The following FAM168A variants were observed in gnomAD, a reference collection of about 807,000 sequenced individuals.
FAM168A encodes the protein protein FAM168A.
FAM168A carries 3 observed loss-of-function variants against 28.5 expected under a neutral mutation model. The ratio of observed to expected loss-of-function variants is 0.11; its 90% CI spans 0.05 to 0.27. FAM168A has a LOEUF of 0.27. Ranked by LOEUF, FAM168A falls within the 10% of genes least tolerant of loss-of-function variation. The pLI, the probability that FAM168A is intolerant of heterozygous loss-of-function variation, is 1.00. For synonymous variants in FAM168A, 122 were observed against 124.2 expected (o/e 0.98, Z 0.12); for missense variants, 222 against 311.5 (o/e 0.71, Z 2.16).
intron 1 of FAM168A, among the ~76,000 whole-genome samples, chr11:73,504,373 A>C (rs987596582): frequency 6.6e-6 from 1 of 152,242 alleles, no homozygotes; most frequent in African/African-American, 2.4e-5. Flanking sequence ...TCAAAAGAAG[A>C]CATTTACGTG....
chr11:73,489,757 C>T (rs1226443273), intron 1 of FAM168A, among the ~76,000 whole-genome samples: 5 of 152,148 alleles, frequency 3.3e-5, no homozygotes, highest in Non-Finnish European at 5.9e-5. Flanking sequence ...GTAATCTGCC[C>T]GCCTCAGCTT....
At chr11:73,580,964 C>A (rs1045306323) in intron 1 of FAM168A, among the ~76,000 whole-genome samples, 7 of 152,236 alleles carry the variant, frequency 4.6e-5, no homozygotes, top group African/African-American at 1.7e-4. Flanking sequence ...GCAATCTGGA[C>A]TTTCCAGTGA....
intron 1 of FAM168A, among the ~76,000 whole-genome samples, chr11:73,561,703 T>A (rs1351718768): frequency 6.6e-6 from 1 of 152,140 alleles, no homozygotes; most frequent in Non-Finnish European, 1.5e-5. Flanking sequence ...AGTAGAGTCA[T>A]TCACTTTTTT....
intron 1 of FAM168A, among the ~76,000 whole-genome samples, chr11:73,570,296 A>C (rs375456950): frequency 3.3e-5 from 5 of 152,142 alleles, no homozygotes; most frequent in Non-Finnish European, 7.4e-5. Flanking sequence ...CAAATACTGC[A>C]CTTGGCACAA....
Position 73,404,380 on chromosome 11 carries a change from T to A in FAM168A, c.*2383A>T, listed in dbSNP as rs1020911179. ...CCCTGTCCCTCTCAGGGCGAGTACA[T>A]GAAAGGCCGTGAAGTGCTTTGACCT... On this transcript the variant is annotated 3_prime_UTR_variant, in exon 8 of 8. Transcript: ENST00000356467. 2.6e-5 allele frequency: 4 copies of A among 152,328 alleles called. No individual in the cohort carries two copies. The highest frequency in any genetic ancestry group is 2.0e-4 in the Admixed American group (3 of 15,306). The allele number at this position is 152,328 out of a possible 1,614,324, so 9.4% of individuals were successfully genotyped here.
chr11:73,419,817 A>G, intron 4 of FAM168A, 57 bp downstream of exon 4: 1 of 1,586,986 alleles, frequency 6.3e-7, no homozygotes, highest in South Asian at 1.1e-5. Flanking sequence ...CTTTCTTCCT[A>G]AGAAACAAAT....
At chr11:73,449,188 T>G (rs551359103) in intron 2 of FAM168A, among the ~76,000 whole-genome samples, 14 of 152,286 alleles carry the variant, frequency 9.2e-5, no homozygotes, top group African/African-American at 3.4e-4. Flanking sequence ...CAGGCTGGTC[T>G]CCAACTCCTG....
intron 1 of FAM168A, among the ~76,000 whole-genome samples, chr11:73,549,673 C>T (rs114263563): frequency 0.016 from 2,418 of 152,282 alleles, 63 homozygotes; most frequent in African/African-American, 0.056. Context: ...AGCAATGACA[C>T]GGGGTAACAC....
chr11:73,549,660 C>A (rs1236007054), intron 1 of FAM168A, among the ~76,000 whole-genome samples: 1 of 152,214 alleles, frequency 6.6e-6, no homozygotes, highest in Non-Finnish European at 1.5e-5. Flanking sequence ...GTAAGTGTTT[C>A]TTAGCAATGA....
intron 2 of FAM168A, chr11:73,452,438 T>C (rs1373214266): frequency 6.6e-6 from 1 of 152,340 alleles, no homozygotes; most frequent in East Asian, 1.9e-4. Context: ...TAACCCTCAC[T>C]GTTTAGCTAG....
At chr11:73,481,257 T>C (rs1867963986) in intron 1 of FAM168A, among the ~76,000 whole-genome samples, 1 of 152,220 alleles carries the variant, frequency 6.6e-6, no homozygotes, top group Non-Finnish European at 1.5e-5. Flanking sequence ...GGTTCAGTTA[T>C]GTGCAACTTT....
chr11:73,434,090 T>A (rs1867047277), intron 2 of FAM168A, among the ~76,000 whole-genome samples: 1 of 152,158 alleles, frequency 6.6e-6, no homozygotes. Context: ...GTGATCCACC[T>A]GCCTTGGCCT....
intron 1 of FAM168A, among the ~76,000 whole-genome samples, chr11:73,535,722 CTTT>C (rs59312114): frequency 1.0e-4 from 12 of 116,934 alleles, no homozygotes; most frequent in Admixed American, 8.7e-5. Context: ...CCTCACCCTT[CTTT>C]TTTTTTTTTT....
chr11:73,574,875 T>C (rs1188644502), intron 1 of FAM168A, among the ~76,000 whole-genome samples: 1 of 151,998 alleles, frequency 6.6e-6, no homozygotes, highest in Non-Finnish European at 1.5e-5. Context: ...ATGTTGGCCA[T>C]CTTTTAATAA....
intron 1 of FAM168A, among the ~76,000 whole-genome samples, chr11:73,488,884 ATTTC>A (rs1483765620): frequency 5.9e-5 from 9 of 151,924 alleles, no homozygotes; most frequent in Non-Finnish European, 8.8e-5. Context: ...ACTAGCTACC[ATTTC>A]TTTCTTTGTT....
intron 1 of FAM168A, among the ~76,000 whole-genome samples, chr11:73,531,916 C>T (rs1943518469): frequency 6.6e-6 from 1 of 151,284 alleles, no homozygotes; most frequent in African/African-American, 2.4e-5. Context: ...GTGATCCTCC[C>T]ACCTCACCCT....
chr11:73,405,295 AGCCTCT>A lies in FAM168A; in HGVS notation c.*1462_*1467del, dbSNP rs977015421. 2.0e-5 allele frequency: 3 copies of A among 152,222 alleles called. No individual in the cohort carries two copies. Among genetic ancestry groups the A allele is most frequent in the Admixed American group, 6.5e-5 (1 of 15,272 alleles). The allele number at this position is 152,222 out of a possible 1,614,324, so 9.4% of individuals were successfully genotyped here. A position where few individuals can be genotyped will look rare whatever the true frequency, so the allele number is the denominator to read the frequency against. Reference sequence around the variant, plus strand: ...CTGTTCCTGCCATCCGCCCCCATGTAGCCTCTGCCCAGTCTTCAACCCCCGCCTTTG... The same window carrying A: ...CTGTTCCTGCCATCCGCCCCCATGTAGCCCAGTCTTCAACCCCCGCCTTTG... On this transcript the variant is annotated 3_prime_UTR_variant, in exon 8 of 8. Transcript: ENST00000356467.
At chr11:73,457,413 G>A (rs1867553678) in intron 2 of FAM168A, among the ~76,000 whole-genome samples, 1 of 151,518 alleles carries the variant, frequency 6.6e-6, no homozygotes, top group South Asian at 2.1e-4. Context: ...AAAGAAACAG[G>A]AAGAAATTTA....
intron 1 of FAM168A, among the ~76,000 whole-genome samples, chr11:73,593,651 G>C (rs1944408492): frequency 6.6e-6 from 1 of 152,136 alleles, no homozygotes; most frequent in Non-Finnish European, 1.5e-5. Context: ...GGGCACACAA[G>C]GCTATTCACC....
Sources: allele counts gnomAD v4.1 joint callset (sites outside exome capture counted in the v4.1 genomes callset), GRCh38; gene constraint gnomAD v4.1.1; transcripts MANE v1.5; gene names NCBI Gene and HGNC (gene_info 2026-07-23, HGNC 2026-07-21).